Variants in ERBB4 observed in about 807,000 individuals in gnomAD.
ERBB4 encodes the protein receptor tyrosine-protein kinase erbB-4.
ERBB4 carries 42 observed loss-of-function variants against 158.0 expected under a neutral mutation model. The ratio of observed to expected loss-of-function variants is 0.27; its 90% CI spans 0.21 to 0.34. ERBB4 has a LOEUF of 0.34. Ranked by LOEUF, ERBB4 falls within the 10% of genes least tolerant of loss-of-function variation. The pLI is 1.00. For missense variants in ERBB4, 1,333 were observed against 1,624.1 expected (o/e 0.82, Z 3.08); for synonymous variants, 583 against 558.7 (o/e 1.04, Z -0.61).
At chr2:211,542,145 G>A (rs1342719603) in intron 20 of ERBB4, among the ~76,000 whole-genome samples, 1 of 151,958 alleles carries the variant, frequency 6.6e-6, no homozygotes, top group Non-Finnish European at 1.5e-5. Flanking sequence ...CCTCAAGAAG[G>A]GAGATTGGCT....
rs1470576213 is a variant in ERBB4, at chr2:211,890,625, G to A, written c.421+56805C>T. 7.1e-3 allele frequency among the ~76,000 whole-genome samples: 991 copies of A among 139,216 alleles called. 13 individuals are homozygous for A. The highest frequency in any genetic ancestry group is 0.026 in the African/African-American group (929 of 35,718). 91.3% of individuals were successfully genotyped at this position (139,216 alleles called of 152,430 possible). A position where few individuals can be genotyped will look rare whatever the true frequency, so the allele number is the denominator to read the frequency against. ...CACAGACTGGCAAATTGGATAAAGA[G>A]TCAAGACCCATCAGTGTGCTGTATT... is the stretch of plus-strand genomic sequence containing the variant. On this transcript the variant is annotated intron_variant, in intron 3 of 27. Transcript: ENST00000342788.
chr2:211,922,690 A>G (rs2079889385), intron 3 of ERBB4, among the ~76,000 whole-genome samples: 1 of 152,168 alleles, frequency 6.6e-6, no homozygotes, highest in Admixed American at 6.6e-5. Flanking sequence ...CACAGTGCAT[A>G]CAACTGCTTA....
chr2:212,430,985 G>A (rs567701505), intron 1 of ERBB4, among the ~76,000 whole-genome samples: 11 of 151,864 alleles, frequency 7.2e-5, no homozygotes, highest in East Asian at 1.9e-4. Flanking sequence ...ATAAATACGC[G>A]GTTGCACTGC....
At chr2:211,811,858 A>T (rs559647603) in intron 3 of ERBB4, among the ~76,000 whole-genome samples, 24 of 152,038 alleles carry the variant, frequency 1.6e-4, no homozygotes, top group African/African-American at 5.8e-4. Flanking sequence ...CATGGTTTTC[A>T]GCTCCATCAG....
chr2:212,368,737 CT>C (rs1340022917), intron 1 of ERBB4, among the ~76,000 whole-genome samples: 4 of 152,202 alleles, frequency 2.6e-5, no homozygotes, highest in African/African-American at 9.6e-5. Context: ...TACCACCACT[CT>C]TTTTTCCCAT....
chr2:212,204,210 C>T (rs1434804285), intron 1 of ERBB4, among the ~76,000 whole-genome samples: 1 of 152,128 alleles, frequency 6.6e-6, no homozygotes, highest in Admixed American at 6.5e-5. Flanking sequence ...ATTCTATTAT[C>T]GCTAGAGTAA....
chr2:212,056,616 C>T (rs1036440104), intron 2 of ERBB4, among the ~76,000 whole-genome samples: 7 of 152,110 alleles, frequency 4.6e-5, no homozygotes, highest in African/African-American at 1.7e-4. Context: ...AGAGTGGAGA[C>T]CAATATTCAA....
chr2:211,675,786 AT>A (rs2072040746), intron 13 of ERBB4, among the ~76,000 whole-genome samples: 1 of 55,264 alleles, frequency 1.8e-5, no homozygotes, highest in Non-Finnish European at 4.0e-5. Context: ...TATATAAAAT[AT>A]AATATTATAT....
At position 212,064,943 on chromosome 2, in the gene ERBB4, C is replaced by A. The variant is rs180926594; in HGVS notation, c.234+59809G>T. ...GTGATTGACTGAAGTTTCTAATTAA[C>A]TCTTGTTTAAACTATAGGTTCCACC... On this transcript the variant is annotated intron_variant, in intron 2 of 27. Coordinates refer to ENST00000342788, the MANE Select transcript of ERBB4 (RefSeq NM_005235.3). Among the ~76,000 whole-genome samples, 16 of 151,414 alleles carry A rather than the reference C, an allele frequency of 1.1e-4. No homozygotes were observed. The East Asian group carries it at 3.1e-3, about 29-fold the overall frequency.
At chr2:211,797,825 T>A (rs1211291242) in intron 3 of ERBB4, among the ~76,000 whole-genome samples, 2 of 152,018 alleles carry the variant, frequency 1.3e-5, no homozygotes, top group Non-Finnish European at 2.9e-5. Context: ...CCAAATTAAT[T>A]TTCTTTTAAA....
intron 3 of ERBB4, among the ~76,000 whole-genome samples, chr2:211,801,055 G>A (rs2076488378): frequency 6.6e-6 from 1 of 151,936 alleles, no homozygotes; most frequent in Admixed American, 6.6e-5. Flanking sequence ...CAAATGTGTA[G>A]GGCATTCAGT....
chr2:212,428,722 A>G lies in ERBB4; in HGVS notation c.82+109727T>C, dbSNP rs147436364. Among the ~76,000 whole-genome samples, 336 of 152,324 alleles carry G rather than the reference A, an allele frequency of 2.2e-3. 9 individuals are homozygous for G. Among genetic ancestry groups the G allele is most frequent in the Admixed American group, 0.02 (311 of 15,282 alleles). On this transcript the variant is annotated intron_variant, in intron 1 of 27. Coordinates refer to ENST00000342788, the MANE Select transcript of ERBB4 (RefSeq NM_005235.3). ...ATAAATAAAGTAAAATAAAACCTTAAGTCCAGTGAGAAGTTTAAGCTAGAG... is the reference window on the plus strand; with the variant it reads ...ATAAATAAAGTAAAATAAAACCTTAGGTCCAGTGAGAAGTTTAAGCTAGAG...
chr2:211,663,054 A>G (rs991044201), intron 15 of ERBB4, among the ~76,000 whole-genome samples: 11 of 152,178 alleles, frequency 7.2e-5, no homozygotes, highest in Admixed American at 1.3e-4. Flanking sequence ...GGAAAATATC[A>G]TATCTCTATA....
intron 1 of ERBB4, among the ~76,000 whole-genome samples, chr2:212,447,380 A>AT (rs2092377386): frequency 2.0e-5 from 3 of 146,736 alleles, no homozygotes; most frequent in Non-Finnish European, 4.7e-5. Context: ...ACAAAAAGCT[A>AT]TTTTTTCTAT....
At chr2:212,204,817 T>TC (rs544870514) in intron 1 of ERBB4, among the ~76,000 whole-genome samples, 4 of 32,268 alleles carry the variant, frequency 1.2e-4, no homozygotes, top group Non-Finnish European at 3.1e-4. Flanking sequence ...ATATGAAAAC[T>TC]TTTTTTTTTT....
intron 16 of ERBB4, among the ~76,000 whole-genome samples, chr2:211,631,037 G>T (rs980850507): frequency 3.9e-5 from 6 of 152,116 alleles, no homozygotes; most frequent in African/African-American, 1.4e-4. Flanking sequence ...CACAACAGTG[G>T]CACTATTGAC....
rs529140099 is a variant in ERBB4 at position 211,429,949 on chromosome 2, A to G, written c.2643+996T>C. On this transcript the variant is annotated intron_variant, in intron 21 of 27. Coordinates refer to ENST00000342788, the MANE Select transcript of ERBB4 (RefSeq NM_005235.3). ...TGAAGCCATGTGATTTATAGACTTC[A>G]ACTTCTGTGCAGTCTTAGAGTGAAT... is the stretch of plus-strand genomic sequence containing the variant. Among the ~76,000 whole-genome samples the G allele has an allele frequency of 3.9e-5, 6 of 152,332 alleles. No homozygotes were observed. The South Asian group carries it at 1.2e-3, about 32-fold the overall frequency.
At chr2:212,503,494 T>G (rs1691014952) in intron 1 of ERBB4, among the ~76,000 whole-genome samples, 1 of 152,170 alleles carries the variant, frequency 6.6e-6, no homozygotes, top group South Asian at 2.1e-4. Context: ...GCAAATAGCA[T>G]CTCAATGCAG....
chr2:211,619,094 G>T, intron 19 of ERBB4, 83 bp downstream of exon 19: 1 of 806,722 alleles, frequency 1.2e-6, no homozygotes, highest in East Asian at 2.5e-5. Context: ...AAGTTGTGGA[G>T]TTTGGTTTTG....
Sources: gnomAD v4.1 joint callset for allele counts (sites outside exome capture counted in the v4.1 genomes callset) on GRCh38, gnomAD v4.1.1 for gene constraint, MANE v1.5 for transcripts, NCBI Gene and HGNC (gene_info 2026-07-23, HGNC 2026-07-21) for gene names.